Variants in PALS2 observed in about 807,000 individuals in gnomAD.
PALS2 encodes the protein protein associated with LIN7 2, MAGUK p55 family member.
A neutral mutation model predicts 61.6 loss-of-function variants in PALS2; 27 were observed. The observed-to-expected ratio is 0.44, with a 90% CI of 0.32 to 0.60. PALS2 has a LOEUF of 0.60. Among genes scored for constraint, PALS2 ranks in the 20% least tolerant of loss-of-function variants. PALS2 has a pLI of 0.05. For missense variants in PALS2, 554 were observed against 639.4 expected, an observed-to-expected ratio of 0.87 and a Z score of 1.44; for synonymous variants, 236 against 218.6, an observed-to-expected ratio of 1.08 and a Z score of -0.70.
At chr7:24,602,562 A>C (rs1370408070) in intron 1 of PALS2, among the ~76,000 whole-genome samples, 2 of 152,170 alleles carry the variant, frequency 1.3e-5, no homozygotes, top group African/African-American at 4.8e-5. Context: ...GTAAAGACCA[A>C]GCTGAAGGCT....
At chr7:24,641,689 T>C in intron 2 of PALS2, 27 bp from the exon 3 acceptor site, 2 of 1,537,908 alleles carry the variant, frequency 1.3e-6, no homozygotes, top group Non-Finnish European at 1.8e-6. Context: ...TAAGTATTAC[T>C]ACTTTAATAT....
Position 24,688,743 on chromosome 7 carries a change from TTATG to T in PALS2, c.*1133_*1136del, listed in dbSNP as rs1212840433. On this transcript the variant is annotated 3_prime_UTR_variant, in exon 12 of 12. Coordinates refer to ENST00000222644, the MANE Select transcript of PALS2 (RefSeq NM_001303037.2). The stretch of plus-strand genomic sequence containing the variant: ...ATATATACATTATATAATATGTATA[TTATG>T]TATTATATAATATATATAAAATGTT... The T allele has an allele frequency of 6.7e-6, 1 of 148,956 alleles. No individual in the cohort carries two copies. The highest frequency in any genetic ancestry group is 2.5e-5 in the African/African-American group (1 of 40,542). 9.2% of individuals were successfully genotyped at this position (148,956 alleles called of 1,614,324 possible). A position where few individuals can be genotyped will look rare whatever the true frequency, so the allele number is the denominator to read the frequency against.
intron 2 of PALS2, among the ~76,000 whole-genome samples, chr7:24,630,075 C>A (rs1243230272): frequency 6.6e-6 from 1 of 152,146 alleles, no homozygotes; most frequent in African/African-American, 2.4e-5. Flanking sequence ...TTGGAACCAA[C>A]CCAAATGCCC....
intron 1 of PALS2, among the ~76,000 whole-genome samples, chr7:24,592,914 G>A (rs910536403): frequency 1.3e-5 from 2 of 152,056 alleles, no homozygotes; most frequent in African/African-American, 4.8e-5. Context: ...GAAGGTTGGA[G>A]TGGCTGTGGT....
intron 3 of PALS2, among the ~76,000 whole-genome samples, chr7:24,644,432 A>G (rs1785727699): frequency 6.6e-6 from 1 of 152,150 alleles, no homozygotes; most frequent in Non-Finnish European, 1.5e-5. Context: ...CACAAAAGAC[A>G]TGATCTCATT....
chr7:24,647,529 A>C lies in PALS2; in HGVS notation c.271-2083A>C, dbSNP rs541009406. Among the ~76,000 whole-genome samples, 41 of 152,218 alleles carry C rather than the reference A, an allele frequency of 2.7e-4. 1 individual carries two copies. Among genetic ancestry groups the C allele is most frequent in the Non-Finnish European group, 8.8e-5 (6 of 67,984 alleles). ...TCTAATTTTTGTTATTTCTCATCTTATTCTAGCTTTTGGGTTGTAAATCAG... is the reference window on the plus strand; with the variant it reads ...TCTAATTTTTGTTATTTCTCATCTTCTTCTAGCTTTTGGGTTGTAAATCAG... On this transcript the variant is annotated intron_variant, in intron 3 of 11. Transcript: ENST00000222644.
At chr7:24,612,037 T>G (rs758590811) in intron 1 of PALS2, among the ~76,000 whole-genome samples, 3 of 151,990 alleles carry the variant, frequency 2.0e-5, no homozygotes, top group Non-Finnish European at 4.4e-5. Flanking sequence ...ATTTACTGCT[T>G]CTTTGCTGTG....
intron 5 of PALS2, 65 bp downstream of exon 5, chr7:24,650,777 T>G (rs1251826144): frequency 1.8e-6 from 2 of 1,087,084 alleles, no homozygotes; most frequent in African/African-American, 1.6e-5. Context: ...GTGTTGGAAA[T>G]AACTATCAGT....
At chr7:24,582,128 T>C (rs1202279755) in intron 1 of PALS2, among the ~76,000 whole-genome samples, 2 of 152,226 alleles carry the variant, frequency 1.3e-5, no homozygotes, top group Non-Finnish European at 2.9e-5. Flanking sequence ...TGTTTATACT[T>C]GTTTTACCCT....
At chr7:24,632,869 T>G (rs1294410372) in intron 2 of PALS2, among the ~76,000 whole-genome samples, 1 of 152,156 alleles carries the variant, frequency 6.6e-6, no homozygotes, top group East Asian at 1.9e-4. Flanking sequence ...GTATGTGATT[T>G]CAATTTTCTC....
At chr7:24,574,361 A>G (rs1296268682) in intron 1 of PALS2, 3 of 152,284 alleles carry the variant, frequency 2.0e-5, no homozygotes, top group South Asian at 2.1e-4. Context: ...CGATTGAGGT[A>G]TCCGACCGTG....
At chr7:24,633,275 TTTG>T (rs1213847585) in intron 2 of PALS2, among the ~76,000 whole-genome samples, 1 of 150,554 alleles carries the variant, frequency 6.6e-6, no homozygotes, top group African/African-American at 2.5e-5. Flanking sequence ...ATTCTCAATT[TTTG>T]TTGAAAAAGT....
At chr7:24,678,944 TAAACA>T (rs995335901) in intron 9 of PALS2, among the ~76,000 whole-genome samples, 182 bp from the exon 10 acceptor site, 2 of 152,172 alleles carry the variant, frequency 1.3e-5, no homozygotes, top group African/African-American at 4.8e-5. Flanking sequence ...GTATGATACA[TAAACA>T]AATGAGTATG....
rs371870222 is a variant in PALS2, at chr7:24,585,868, C to CAGAA, written c.-3+12275_-3+12276insAGAA. ...CGCCCGCCACCTGCCTCTGTTATCTCTTCTAAGAGTGTGCACCACTAATAT... is the reference window on the plus strand; with the variant it reads ...CGCCCGCCACCTGCCTCTGTTATCTCAGAATTCTAAGAGTGTGCACCACTAATAT... On this transcript the variant is annotated intron_variant, in intron 1 of 11. Transcript: ENST00000222644. Among the ~76,000 whole-genome samples the CAGAA allele has an allele frequency of 2.5e-3, 381 of 152,138 alleles. 3 individuals are homozygous for CAGAA. The highest frequency in any genetic ancestry group is 8.8e-3 in the African/African-American group (364 of 41,522).
At chr7:24,663,525 G>A in intron 5 of PALS2, 65 bp from the exon 6 acceptor site, 1 of 1,431,552 alleles carries the variant, frequency 7.0e-7, no homozygotes, top group Non-Finnish European at 9.4e-7. Context: ...GGTTTGACAA[G>A]GATTTTTTAA....
rs898340994 is a variant in PALS2 at position 24,690,795 on chromosome 7, T to A, written c.*3181T>A. 1 of 152,220 alleles carries A rather than the reference T, an allele frequency of 6.6e-6. No individual in the cohort carries two copies. Among genetic ancestry groups the A allele is most frequent in the Non-Finnish European group, 1.5e-5 (1 of 68,034 alleles). The allele number at this position is 152,220 out of a possible 1,614,324, so 9.4% of individuals were successfully genotyped here. A position where few individuals can be genotyped will look rare whatever the true frequency, so the allele number is the denominator to read the frequency against. On this transcript the variant is annotated 3_prime_UTR_variant, in exon 12 of 12. Coordinates refer to ENST00000222644, the MANE Select transcript of PALS2 (RefSeq NM_001303037.2). The stretch of plus-strand genomic sequence containing the variant: ...ACTCTAACTATACAATTGCTGAACA[T>A]AGCTTTCTGAAATAGAAATTATAAG...
chr7:24,583,603 G>C (rs1052186941), intron 1 of PALS2, among the ~76,000 whole-genome samples: 2 of 150,784 alleles, frequency 1.3e-5, no homozygotes, highest in African/African-American at 2.4e-5. Flanking sequence ...AGGCATTTTT[G>C]AGGATATCTT....
At chr7:24,665,786 C>G in intron 7 of PALS2, 99 bp downstream of exon 7, 1 of 1,134,216 alleles carries the variant, frequency 8.8e-7, no homozygotes, top group Non-Finnish European at 1.3e-6. Flanking sequence ...TAAAATATGT[C>G]TAGAATGAAT....
chr7:24,679,085 G>A, intron 9 of PALS2, 46 bp from the exon 10 acceptor site: 1 of 1,553,200 alleles, frequency 6.4e-7, no homozygotes, highest in Non-Finnish European at 8.9e-7. Flanking sequence ...TATTTTTTAT[G>A]CCCTAAAATT....
Sources: gnomAD v4.1 joint callset for allele counts (sites outside exome capture counted in the v4.1 genomes callset) on GRCh38, gnomAD v4.1.1 for gene constraint, MANE v1.5 for transcripts, NCBI Gene and HGNC (gene_info 2026-07-23, HGNC 2026-07-21) for gene names.